Variants in SDK1 observed in about 807,000 individuals in gnomAD.
SDK1 encodes sidekick cell adhesion molecule 1, also known as protein sidekick-1.
A neutral mutation model predicts 245.5 loss-of-function variants in SDK1; 157 were observed. The observed-to-expected ratio is 0.64, with a 90% confidence interval of 0.56 to 0.73. The LOEUF (loss-of-function observed/expected upper bound fraction) is 0.73. SDK1 is among the 30% of genes least tolerant of loss of function. The pLI, the probability that SDK1 is intolerant of heterozygous loss-of-function variation, is 0.00. For missense variants in SDK1, 3,583 were observed against 3,002.3 expected (o/e 1.19, Z -4.52); for synonymous variants, 1,647 against 1,278.5 (o/e 1.29, Z -6.15).
chr7:3,571,396 G>A (rs1374183977), intron 1 of SDK1, among the ~76,000 whole-genome samples: 3 of 151,994 alleles, frequency 2.0e-5, no homozygotes, highest in East Asian at 1.9e-4. Context: ...TCAAACTCCT[G>A]GATTCAAGTG....
chr7:3,417,449 C>CT lies in SDK1; in HGVS notation c.298+115573dup, dbSNP rs200594986. ...ATGCTGTTTTCTCTGCTAACTTTCT[C>CT]TTTTTTTTCTCTCTCTTACTTGCTG... On this transcript the variant is annotated intron_variant, in intron 1 of 44. Coordinates refer to ENST00000404826, the MANE Select transcript of SDK1 (RefSeq NM_152744.4). Among the ~76,000 whole-genome samples the CT allele has an allele frequency of 3.6e-3, 550 of 152,062 alleles. 3 individuals are homozygous for CT. The highest frequency in any genetic ancestry group is 0.013 in the African/African-American group (522 of 41,474).
chr7:3,952,846 C>T (rs912791787), intron 7 of SDK1, among the ~76,000 whole-genome samples: 2 of 152,122 alleles, frequency 1.3e-5, no homozygotes, highest in Non-Finnish European at 2.9e-5. Flanking sequence ...TGTACAGTGG[C>T]TAAGAAAATA....
intron 25 of SDK1, among the ~76,000 whole-genome samples, chr7:4,119,413 C>A (rs1320331130): frequency 6.7e-6 from 1 of 148,410 alleles, no homozygotes; most frequent in East Asian, 1.9e-4. Flanking sequence ...TACGATCATA[C>A]CCCTGCACTG....
intron 13 of SDK1, chr7:3,974,777 T>C: frequency 2.1e-6 from 1 of 471,590 alleles, no homozygotes; most frequent in Non-Finnish European, 3.8e-6. Context: ...GATCATTGGT[T>C]TTTATTTCAG....
intron 4 of SDK1, among the ~76,000 whole-genome samples, chr7:3,655,449 ATATATATATATATAT>A (rs1783137444): frequency 2.2e-4 from 1 of 4,446 alleles, no homozygotes. Context: ...AACAAAACAA[ATATATATATATATAT>A]ATATATATAT....
intron 4 of SDK1, among the ~76,000 whole-genome samples, chr7:3,790,186 G>C (rs1781035511): frequency 6.6e-6 from 1 of 152,160 alleles, no homozygotes; most frequent in South Asian, 2.1e-4. Context: ...ACCAGCAACT[G>C]ATGTTTATGT....
At chr7:3,794,355 G>T (rs1327995411) in intron 4 of SDK1, among the ~76,000 whole-genome samples, 1 of 151,654 alleles carries the variant, frequency 6.6e-6, no homozygotes, top group Admixed American at 6.6e-5. Flanking sequence ...AAAATAGGAA[G>T]AAAAAAAAGG....
intron 29 of SDK1, 32 bp from the exon 30 acceptor site, chr7:4,149,230 C>T (rs776372825): frequency 6.9e-7 from 1 of 1,454,178 alleles, no homozygotes; most frequent in Non-Finnish European, 9.1e-7. Context: ...CAGCCTCTCA[C>T]ATGTCCCTGG....
intron 22 of SDK1, among the ~76,000 whole-genome samples, chr7:4,104,966 A>G (rs892166942): frequency 5.9e-5 from 9 of 151,860 alleles, no homozygotes; most frequent in African/African-American, 1.9e-4. Context: ...CATGTCTCCC[A>G]GGAGCTGTGT....
At chr7:4,160,744 T>C (rs1032140285) in intron 31 of SDK1, among the ~76,000 whole-genome samples, 34 of 152,174 alleles carry the variant, frequency 2.2e-4, no homozygotes, top group African/African-American at 7.0e-4. Flanking sequence ...GGAAGCTGGC[T>C]AGAGGGCCCA....
chr7:3,752,012 T>C (rs1402148596), intron 4 of SDK1, among the ~76,000 whole-genome samples: 12 of 152,226 alleles, frequency 7.9e-5, no homozygotes, highest in Non-Finnish European at 1.5e-4. Flanking sequence ...TTTCAGCCAA[T>C]GGGAAAAGTA....
At chr7:4,248,381 A>T (rs1338348874) in intron 44 of SDK1, among the ~76,000 whole-genome samples, 1 of 146,084 alleles carries the variant, frequency 6.8e-6, no homozygotes, top group East Asian at 1.9e-4. Flanking sequence ...ACATACACCT[A>T]AATACACATA....
intron 1 of SDK1, among the ~76,000 whole-genome samples, chr7:3,470,235 A>C (rs1583905946): frequency 6.6e-6 from 1 of 152,160 alleles, no homozygotes; most frequent in African/African-American, 2.4e-5. Flanking sequence ...TTAAACAAAT[A>C]TGCACAGAAT....
chr7:3,642,186 T>G, intron 4 of SDK1, 81 bp downstream of exon 4: 10 of 1,363,490 alleles, frequency 7.3e-6, no homozygotes, highest in Non-Finnish European at 9.2e-6. Context: ...AGTGTACCAA[T>G]TAAGGTTACC....
At chr7:3,641,828 T>C in intron 3 of SDK1, 130 bp from the exon 4 acceptor site, 1 of 752,416 alleles carries the variant, frequency 1.3e-6, no homozygotes, top group Non-Finnish European at 2.2e-6. Flanking sequence ...CCGTGCAGTC[T>C]CGCTCGTCCT....
intron 35 of SDK1, among the ~76,000 whole-genome samples, chr7:4,196,275 C>T (rs113345197): frequency 1.3e-5 from 2 of 152,182 alleles, no homozygotes; most frequent in Non-Finnish European, 2.9e-5. Flanking sequence ...GCCCCGCCCT[C>T]GCTCAGACCA....
chr7:4,047,451 G>C (rs1789103939), intron 17 of SDK1, among the ~76,000 whole-genome samples: 1 of 152,184 alleles, frequency 6.6e-6, no homozygotes, highest in Non-Finnish European at 1.5e-5. Context: ...TTGGTCTATA[G>C]TTTTCCTTCA....
intron 5 of SDK1, among the ~76,000 whole-genome samples, chr7:3,887,913 C>T (rs956304399): frequency 6.6e-6 from 1 of 152,182 alleles, no homozygotes; most frequent in Non-Finnish European, 1.5e-5. Flanking sequence ...GGGTTTTCTG[C>T]AAATTTTTAT....
intron 35 of SDK1, among the ~76,000 whole-genome samples, chr7:4,192,219 C>T (rs921159423): frequency 2.6e-5 from 4 of 152,210 alleles, no homozygotes; most frequent in Admixed American, 1.3e-4. Flanking sequence ...ATTTTCCCAA[C>T]AGCACGTGCT....
Sources: gnomAD v4.1 joint callset for allele counts (sites outside exome capture counted in the v4.1 genomes callset) on GRCh38, gnomAD v4.1.1 for gene constraint, MANE v1.5 for transcripts, NCBI Gene and HGNC (gene_info 2026-07-23, HGNC 2026-07-21) for gene names.